The following MIPEP variants were observed in gnomAD, a reference collection of about 807,000 sequenced individuals.
MIPEP encodes the protein mitochondrial intermediate peptidase.
In MIPEP, 79 loss-of-function variants were observed where a neutral mutation model predicts 90.3. That is an observed-to-expected ratio of 0.87 (90% CI 0.73 to 1.05). The LOEUF (loss-of-function observed/expected upper bound fraction) is 1.05. MIPEP is among the 50% of genes least tolerant of loss of function. The pLI is 0.00. For synonymous variants in MIPEP, 334 were observed against 315.8 expected (o/e 1.06, Z -0.61); for missense variants, 940 against 905.6 (o/e 1.04, Z -0.49).
chr13:23,812,214 C>G (rs1296832367), intron 14 of MIPEP, among the ~76,000 whole-genome samples: 1 of 151,840 alleles, frequency 6.6e-6, no homozygotes, highest in Non-Finnish European at 1.5e-5. Context: ...AGAAAAGGCC[C>G]GTAGGGGACG....
intron 1 of MIPEP, among the ~76,000 whole-genome samples, chr13:23,887,660 G>GA (rs1871561574): frequency 6.6e-6 from 1 of 152,160 alleles, no homozygotes; most frequent in African/African-American, 2.4e-5. Flanking sequence ...GGAACTCAAT[G>GA]AAAGAAACAA....
chr13:23,809,218 AT>A lies in MIPEP; in HGVS notation c.1728+631del, dbSNP rs533422217. Among the ~76,000 whole-genome samples the A allele has an allele frequency of 2.9e-4, 44 of 152,346 alleles. 1 individual carries two copies. In the South Asian group the frequency reaches 8.9e-3, roughly 31 times the overall value. ...CTAAAAACACAAAAATTTTAAAAAG[AT>A]ACAAAATGAATAAACATATGTATAT... On this transcript the variant is annotated intron_variant, in intron 15 of 18. Transcript: ENST00000382172.
chr13:23,750,287 C>T (rs1313174925), intron 18 of MIPEP, among the ~76,000 whole-genome samples: 2 of 152,106 alleles, frequency 1.3e-5, no homozygotes, highest in Non-Finnish European at 2.9e-5. Flanking sequence ...TGCCCTGGTA[C>T]GATCAAAACT....
intron 6 of MIPEP, 105 bp from the exon 7 acceptor site, chr13:23,869,553 C>T (rs1287200931): frequency 1.9e-6 from 2 of 1,072,070 alleles, no homozygotes; most frequent in Admixed American, 3.1e-5. Context: ...ATGATCACTG[C>T]TTTCAAAATA....
intron 16 of MIPEP, among the ~76,000 whole-genome samples, chr13:23,773,659 G>C (rs187050303): frequency 6.6e-6 from 1 of 152,202 alleles, no homozygotes; most frequent in African/African-American, 2.4e-5. Flanking sequence ...ATCCATCCCA[G>C]TGGGAATGAA....
intron 14 of MIPEP, among the ~76,000 whole-genome samples, chr13:23,812,350 C>T (rs1566002487): frequency 2.0e-5 from 3 of 151,988 alleles, no homozygotes; most frequent in African/African-American, 7.2e-5. Context: ...GCAGAAGAAA[C>T]AGCACATGCA....
rs77559899 is a variant in MIPEP at position 23,836,766 on chromosome 13, T to C, written c.1544-417A>G. ...TTACAAGTACTTTATTTTATCCATTTATTGCTTTTTGTAACAAAGTCAATT... is the reference window on the plus strand; with the variant it reads ...TTACAAGTACTTTATTTTATCCATTCATTGCTTTTTGTAACAAAGTCAATT... On this transcript the variant is annotated intron_variant, in intron 13 of 18. Coordinates refer to ENST00000382172, the MANE Select transcript of MIPEP (RefSeq NM_005932.4). 3.9e-3 allele frequency among the ~76,000 whole-genome samples: 594 copies of C among 152,370 alleles called. 4 individuals carry two copies. The highest frequency in any genetic ancestry group is 0.013 in the African/African-American group (557 of 41,598).
In MIPEP at chr13:23,766,882, T is replaced by C. The variant is rs903451181; in HGVS notation, c.1849-6665A>G. The stretch of plus-strand genomic sequence containing the variant: ...CCTAACCAACTGAATATGGCAGTGG[T>C]TCCGGATGTCACTCCTGTGAATACA... On this transcript the variant is annotated intron_variant, in intron 16 of 18. Transcript: ENST00000382172. Among the ~76,000 whole-genome samples the C allele has an allele frequency of 1.2e-4, 18 of 152,186 alleles. 1 individual carries two copies. Among genetic ancestry groups the C allele is most frequent in the Admixed American group, 1.2e-3 (18 of 15,278 alleles).
chr13:23,865,620 C>T (rs577476971), intron 7 of MIPEP, among the ~76,000 whole-genome samples: 2 of 152,218 alleles, frequency 1.3e-5, no homozygotes, highest in Admixed American at 1.3e-4. Flanking sequence ...TTTTAACATT[C>T]ACCCATCTTA....
chr13:23,866,958 C>T (rs796331086), intron 7 of MIPEP, among the ~76,000 whole-genome samples: 1 of 152,288 alleles, frequency 6.6e-6, no homozygotes, highest in South Asian at 2.1e-4. Flanking sequence ...CTTCCAAATA[C>T]TCTGTACCCA....
At chr13:23,760,695 A>C in intron 16 of MIPEP, 2 of 449,146 alleles carry the variant, frequency 4.5e-6, no homozygotes, top group South Asian at 3.2e-5. Flanking sequence ...TGTTTAAGCC[A>C]CATAGTCTCT....
intron 14 of MIPEP, among the ~76,000 whole-genome samples, chr13:23,818,996 TGTAAA>T (rs1310685076): frequency 2.6e-5 from 4 of 152,246 alleles, no homozygotes; most frequent in African/African-American, 9.6e-5. Flanking sequence ...ATGTGAAGTT[TGTAAA>T]GTATTTATCT....
At chr13:23,786,655 TAAGGAAAG>T (rs1484454546) in intron 16 of MIPEP, among the ~76,000 whole-genome samples, 2 of 151,096 alleles carry the variant, frequency 1.3e-5, no homozygotes, top group African/African-American at 2.4e-5. Flanking sequence ...GAAAAAAAAA[TAAGGAAAG>T]AGTGACTTTA....
intron 16 of MIPEP, among the ~76,000 whole-genome samples, chr13:23,795,475 C>G (rs971271812): frequency 1.3e-5 from 2 of 152,170 alleles, no homozygotes; most frequent in Admixed American, 6.5e-5. Context: ...GGTTACTTAC[C>G]TGTCTTAGTT....
intron 10 of MIPEP, among the ~76,000 whole-genome samples, chr13:23,857,906 T>G (rs561200562): frequency 6.6e-6 from 1 of 152,148 alleles, no homozygotes; most frequent in Non-Finnish European, 1.5e-5. Context: ...CAATAATGCA[T>G]AGTAATAAAA....
intron 13 of MIPEP, 135 bp from the exon 14 acceptor site, chr13:23,836,484 C>T: frequency 2.1e-6 from 1 of 481,744 alleles, no homozygotes; most frequent in Non-Finnish European, 3.5e-6. Context: ...TATTTTTCTT[C>T]TATAAATTTA....
chr13:23,827,968 C>A (rs1868546453), intron 14 of MIPEP, among the ~76,000 whole-genome samples: 1 of 152,066 alleles, frequency 6.6e-6, no homozygotes, highest in Non-Finnish European at 1.5e-5. Flanking sequence ...CAAACTAAAG[C>A]CAGCTCTGCA....
intron 3 of MIPEP, among the ~76,000 whole-genome samples, chr13:23,881,079 A>G (rs1458622846): frequency 6.6e-6 from 1 of 152,140 alleles, no homozygotes; most frequent in African/African-American, 2.4e-5. Flanking sequence ...AAATACTCAC[A>G]TTTACCCCAA....
chr13:23,872,707 G>A (rs575933915), intron 5 of MIPEP, among the ~76,000 whole-genome samples: 110 of 152,210 alleles, frequency 7.2e-4, no homozygotes, highest in Non-Finnish European at 1.3e-3. Context: ...AGCTGCTCCC[G>A]GGGAAAGAGG....
Sources: gnomAD v4.1 joint callset for allele counts (sites outside exome capture counted in the v4.1 genomes callset) on GRCh38, gnomAD v4.1.1 for gene constraint, MANE v1.5 for transcripts, NCBI Gene and HGNC (gene_info 2026-07-23, HGNC 2026-07-21) for gene names.